Variants in GNAO1 observed in about 807,000 individuals in gnomAD.
GNAO1 encodes guanine nucleotide-binding protein G(o) subunit alpha.
For missense variants in GNAO1, 166 were observed against 478.7 expected, an observed-to-expected ratio of 0.35 and a Z score of 6.10; for synonymous variants, 164 against 180.7, an observed-to-expected ratio of 0.91 and a Z score of 0.74.
intron 2 of GNAO1, among the ~76,000 whole-genome samples, chr16:56,209,016 G>A (rs760996173): frequency 6.6e-6 from 1 of 151,396 alleles, no homozygotes; most frequent in Non-Finnish European, 1.5e-5. Context: ...CCCTCTTTTT[G>A]GTTAGTGTTT....
chr16:56,288,922 C>A (rs56362389), intron 3 of GNAO1, among the ~76,000 whole-genome samples: 1 of 151,850 alleles, frequency 6.6e-6, no homozygotes, highest in Non-Finnish European at 1.5e-5. Flanking sequence ...CACCGAAGAT[C>A]GCCCCTCCCC....
intron 2 of GNAO1, chr16:56,193,453 A>G (rs2036200752): frequency 6.7e-6 from 1 of 148,970 alleles, no homozygotes; most frequent in Non-Finnish European, 1.4e-5. Flanking sequence ...GTATTTATTT[A>G]CACTCTGCAT....
chr16:56,262,083 A>C (rs534563220), intron 2 of GNAO1, among the ~76,000 whole-genome samples: 3 of 152,306 alleles, frequency 2.0e-5, no homozygotes, highest in Non-Finnish European at 4.4e-5. Flanking sequence ...AGTGGGGAGA[A>C]TCCTCAAAGT....
intron 2 of GNAO1, among the ~76,000 whole-genome samples, chr16:56,266,845 C>T (rs559025929): frequency 1.6e-4 from 24 of 152,212 alleles, no homozygotes; most frequent in Admixed American, 1.4e-3. Flanking sequence ...ACTCTTAACA[C>T]GTGCTCAGTA....
intron 6 of GNAO1, among the ~76,000 whole-genome samples, chr16:56,343,055 A>T (rs1225062870): frequency 6.6e-6 from 1 of 151,852 alleles, no homozygotes; most frequent in African/African-American, 2.4e-5. Flanking sequence ...CTGAGATCAC[A>T]CCACTGCACT....
intron 2 of GNAO1, among the ~76,000 whole-genome samples, chr16:56,229,198 G>A (rs1567446612): frequency 6.6e-6 from 1 of 151,758 alleles, no homozygotes; most frequent in Non-Finnish European, 1.5e-5. Context: ...TGCTGTTTTT[G>A]TTTTTTTGTT....
intron 2 of GNAO1, among the ~76,000 whole-genome samples, chr16:56,229,284 G>A (rs1394251104): frequency 3.9e-5 from 6 of 152,024 alleles, no homozygotes; most frequent in South Asian, 2.1e-4. Flanking sequence ...AGCTCACTGC[G>A]ACTTCCACCT....
chr16:56,325,214 C>T (rs1366036120), intron 3 of GNAO1, among the ~76,000 whole-genome samples: 6 of 152,206 alleles, frequency 3.9e-5, no homozygotes, highest in Non-Finnish European at 7.3e-5. Flanking sequence ...CTGTGGCTCA[C>T]GCCTGTAATC....
chr16:56,328,480 G>T, intron 3 of GNAO1, 151 bp from the exon 4 acceptor site: 2 of 723,336 alleles, frequency 2.8e-6, no homozygotes, highest in East Asian at 2.7e-5. Flanking sequence ...TCAGGTCGTG[G>T]CCCTCCCTGG....
intron 2 of GNAO1, among the ~76,000 whole-genome samples, chr16:56,230,203 C>T (rs2036575781): frequency 6.6e-6 from 1 of 152,180 alleles, no homozygotes; most frequent in Non-Finnish European, 1.5e-5. Flanking sequence ...ATTCTGTGCA[C>T]CTACGAGCTG....
intron 2 of GNAO1, among the ~76,000 whole-genome samples, chr16:56,256,712 C>CTGTGTGTG (rs1449657710): frequency 4.3e-5 from 5 of 115,934 alleles, no homozygotes; most frequent in African/African-American, 1.8e-4. Flanking sequence ...CTCTCTCTCT[C>CTGTGTGTG]TCTCTCTGTG....
chr16:56,318,861 G>A (rs1249865245), intron 3 of GNAO1, among the ~76,000 whole-genome samples: 2 of 152,142 alleles, frequency 1.3e-5, no homozygotes, highest in African/African-American at 2.4e-5. Context: ...TTGCAAAGCT[G>A]TGTCACATCC....
chr16:56,212,345 T>C (rs1299265605), intron 2 of GNAO1, among the ~76,000 whole-genome samples: 3 of 152,194 alleles, frequency 2.0e-5, no homozygotes, highest in African/African-American at 4.8e-5. Context: ...TAAGGGCAAT[T>C]GTACAGATTC....
intron 3 of GNAO1, among the ~76,000 whole-genome samples, chr16:56,280,700 C>G (rs1382225321): frequency 2.0e-5 from 3 of 152,032 alleles, no homozygotes; most frequent in Admixed American, 6.6e-5. Context: ...TAGAGTGATG[C>G]GTAGCAACAA....
At chr16:56,195,830 C>T (rs1263865578) in intron 2 of GNAO1, among the ~76,000 whole-genome samples, 4 of 152,290 alleles carry the variant, frequency 2.6e-5, no homozygotes, top group African/African-American at 9.6e-5. Context: ...AGAGTCATTC[C>T]ATTGAGCCTG....
chr16:56,256,265 A>T (rs1037772598), intron 2 of GNAO1, among the ~76,000 whole-genome samples: 7 of 152,124 alleles, frequency 4.6e-5, no homozygotes, highest in South Asian at 4.1e-4. Flanking sequence ...CCCTTTGGCT[A>T]CAGGGCAGGG....
In GNAO1 at chr16:56,326,026, C is replaced by T. The variant is rs896892336; in HGVS notation, c.304-2605C>T. 3.9e-5 allele frequency among the ~76,000 whole-genome samples: 6 copies of T among 152,230 alleles called. No homozygotes were observed. Among genetic ancestry groups the T allele is most frequent in the Non-Finnish European group, 8.8e-5 (6 of 68,034 alleles). ...CCTCCTCCACTCATCGACCCTCTTC[C>T]TTGCCTTGGCATCCCACACCTGGTT... is the stretch of plus-strand genomic sequence containing the variant. On this transcript the variant is annotated intron_variant, in intron 3 of 8. Transcript: ENST00000262493. This position sits in a 1 kb window ranked among gnomAD's most constrained non-coding sequence, Gnocchi z 4.8.
intron 2 of GNAO1, among the ~76,000 whole-genome samples, chr16:56,225,412 A>G (rs2036525185): frequency 6.6e-6 from 1 of 152,196 alleles, no homozygotes; most frequent in African/African-American, 2.4e-5. Context: ...TACTGCAGGT[A>G]TGACTTGCCC....
chr16:56,204,495 G>A (rs1405018312), intron 2 of GNAO1, among the ~76,000 whole-genome samples: 6 of 152,134 alleles, frequency 3.9e-5, no homozygotes, highest in African/African-American at 1.2e-4. Context: ...TCCTTCAGTA[G>A]ACCCACAGGT....
Sources: allele counts gnomAD v4.1 joint callset (sites outside exome capture counted in the v4.1 genomes callset), GRCh38; gene constraint gnomAD v4.1.1; non-coding constraint Gnocchi (gnomAD v3.1); transcripts MANE v1.5; gene names NCBI Gene and HGNC (gene_info 2026-07-23, HGNC 2026-07-21).